COL18A1: variants seen among roughly 807,000 people sequenced by gnomAD.
COL18A1 encodes collagen type XVIII alpha 1 chain.
Under a neutral mutation model 168.0 loss-of-function variants are expected in COL18A1, and 133 were observed. The ratio of observed to expected loss-of-function variants is 0.79; its 90% confidence interval spans 0.69 to 0.91. COL18A1 has a LOEUF of 0.91. COL18A1 is among the 40% of genes least tolerant of loss of function. The pLI, the probability that COL18A1 is intolerant of heterozygous loss-of-function variation, is 0.00. For missense variants in COL18A1, 2,126 were observed against 1,925.4 expected (o/e 1.10, Z -1.95); for synonymous variants, 949 against 809.0 (o/e 1.17, Z -2.94).
At chr21:45,500,024 C>G (rs539331402) in intron 32 of COL18A1, among the ~76,000 whole-genome samples, 29 of 152,206 alleles carry the variant, frequency 1.9e-4, no homozygotes, top group African/African-American at 5.1e-4. Context: ...AGACGCTCCC[C>G]GAACGTGAGG....
rs550462341 is a variant in COL18A1 at position 45,496,978 on chromosome 21, G to A, written c.2578-72G>A. ...CAGGGGCTGGTGCTTCTGGGCTTGG[G>A]GACCCCTGAGTGGTGGTGGCCTCCA... On this transcript the variant is annotated intron_variant, in intron 30 of 41. Coordinates refer to ENST00000651438, the MANE Select transcript of COL18A1 (RefSeq NM_001379500.1). The A allele has an allele frequency of 3.9e-6, 4 of 1,026,810 alleles. No individual in the cohort carries two copies. The African/African-American group carries it at 4.7e-5, about 12-fold the overall frequency. The allele number at this position is 1,026,810 out of a possible 1,614,324, so 63.6% of individuals were successfully genotyped here. A position where few individuals can be genotyped will look rare whatever the true frequency, so the allele number is the denominator to read the frequency against.
At chr21:45,476,214 C>T in intron 5 of COL18A1, 137 bp from the exon 6 acceptor site, 1 of 1,327,350 alleles carries the variant, frequency 7.5e-7, no homozygotes, top group Admixed American at 2.0e-5. Context: ...CGCGCACGGC[C>T]CTGGAGCACC....
chr21:45,451,576 G>A (rs963839241), intron 2 of COL18A1, among the ~76,000 whole-genome samples: 1 of 152,202 alleles, frequency 6.6e-6, no homozygotes, highest in Admixed American at 6.5e-5. Context: ...CGTGGGGTTT[G>A]CTGAGGGAGT....
chr21:45,437,976 T>A (rs868437881), intron 2 of COL18A1, among the ~76,000 whole-genome samples: 64 of 11,898 alleles, frequency 5.4e-3, no homozygotes, highest in African/African-American at 6.4e-3. Context: ...ACACACACAC[T>A]CACACACTCA....
chr21:45,510,004 G>A (rs1383965719), intron 39 of COL18A1, 60 bp from the exon 40 acceptor site: 26 of 1,517,120 alleles, frequency 1.7e-5, no homozygotes, highest in East Asian at 4.9e-5. Context: ...TGGTGCGCCC[G>A]GGGCCTGGGT....
chr21:45,448,648 A>G (rs531947257), intron 2 of COL18A1, among the ~76,000 whole-genome samples: 2 of 152,360 alleles, frequency 1.3e-5, no homozygotes, highest in Admixed American at 6.5e-5. Flanking sequence ...GAACAAGGAC[A>G]TTCTCCCACA....
Position 45,490,451 on chromosome 21 carries a change from T to TCTCCATGTGCCCTCGTGGGTCCCTGGGC in COL18A1, c.2031+110_2031+137dup, listed in dbSNP as rs2036278448. 10 of 729,112 alleles carry TCTCCATGTGCCCTCGTGGGTCCCTGGGC rather than the reference T, an allele frequency of 1.4e-5. 1 individual carries two copies. The highest frequency in any genetic ancestry group is 1.4e-4 in the African/African-American group (5 of 36,966). The allele number at this position is 729,112 out of a possible 1,614,324, so 45.2% of individuals were successfully genotyped here. A position where few individuals can be genotyped will look rare whatever the true frequency, so the allele number is the denominator to read the frequency against. On this transcript the variant is annotated intron_variant, in intron 20 of 41. Transcript: ENST00000651438. ...AGATGTGCCCTCCCGGGTCCCTGGGTCTCCATGTGCCCTCGTGGGTCCCTG... is the reference window on the plus strand; with the variant it reads ...AGATGTGCCCTCCCGGGTCCCTGGGTCTCCATGTGCCCTCGTGGGTCCCTGGGCCTCCATGTGCCCTCGTGGGTCCCTG...
chr21:45,509,293 C>T, intron 38 of COL18A1, 63 bp from the exon 39 acceptor site: 2 of 1,532,574 alleles, frequency 1.3e-6, no homozygotes, highest in East Asian at 2.5e-5. Context: ...GAGGAGGACA[C>T]AGATGGAGGA....
At chr21:45,467,253 T>C in intron 2 of COL18A1, 1 of 985,374 alleles carries the variant, frequency 1.0e-6, no homozygotes, top group Non-Finnish European at 1.2e-6. Context: ...GCGTCCTGGC[T>C]TGGGCTCCCT....
At chr21:45,410,524 C>T (rs1407730003) in intron 2 of COL18A1, among the ~76,000 whole-genome samples, 4 of 152,124 alleles carry the variant, frequency 2.6e-5, no homozygotes, top group South Asian at 2.1e-4. Flanking sequence ...TGATTGGTTA[C>T]GGTGGCGGAA....
chr21:45,465,166 T>C (rs1290138448), intron 2 of COL18A1, among the ~76,000 whole-genome samples: 2 of 152,242 alleles, frequency 1.3e-5, no homozygotes, highest in African/African-American at 4.8e-5. Context: ...GTATAACAGA[T>C]GACCCTGCAG....
At chr21:45,467,006 C>T (rs1045579520) in intron 2 of COL18A1, among the ~76,000 whole-genome samples, 6 of 152,236 alleles carry the variant, frequency 3.9e-5, no homozygotes, top group African/African-American at 1.4e-4. Flanking sequence ...TAACAGCTGC[C>T]ATCTGGGTGG....
At chr21:45,491,069 C>T (rs1027222483) in intron 21 of COL18A1, among the ~76,000 whole-genome samples, 156 bp from the exon 22 acceptor site, 1 of 152,170 alleles carries the variant, frequency 6.6e-6, no homozygotes, top group African/African-American at 2.4e-5. Flanking sequence ...TGGAGCCTGC[C>T]CTGCCTGGCA....
chr21:45,497,652 G>A lies in COL18A1; in HGVS notation c.2674G>A (p.Gly892Arg), dbSNP rs576719084. 5.9e-5 allele frequency: 92 copies of A among 1,567,046 alleles called. No individual in the cohort carries two copies. The highest frequency in any genetic ancestry group is 6.9e-5 in the Non-Finnish European group (80 of 1,156,302). The change falls in exon 32 of 42, where the codon GGA becomes AGA. Residue 892 changes from glycine (G) to arginine (R), a missense_variant. Coordinates refer to ENST00000651438, the MANE Select transcript of COL18A1 (RefSeq NM_001379500.1). ...CGCCAAAGGAGAAGTGGGCCCCCCC[G>A]GACCACCAGGTGAGCAACTCTGGAC... ...KGAKGEVGPP[G>R]PPGQFPFDFL...
intron 7 of COL18A1, 112 bp from the exon 8 acceptor site, chr21:45,477,638 G>C: frequency 7.8e-7 from 1 of 1,281,288 alleles, no homozygotes; most frequent in Non-Finnish European, 1.1e-6. Context: ...CACCCTGCGT[G>C]TCCACTGTGG....
At chr21:45,406,744 G>C (rs756108816) in intron 2 of COL18A1, among the ~76,000 whole-genome samples, 3 of 152,374 alleles carry the variant, frequency 2.0e-5, no homozygotes, top group Admixed American at 6.5e-5. Context: ...AGACGCTGGG[G>C]CCCAAGCCCG....
rs117919516 is a variant in COL18A1 at position 45,429,049 on chromosome 21, C to T, written c.106+23576C>T. 2.2e-3 allele frequency among the ~76,000 whole-genome samples: 332 copies of T among 151,958 alleles called. 1 individual carries two copies. Among genetic ancestry groups the T allele is most frequent in the Admixed American group, 4.2e-3 (64 of 15,276 alleles). ...TCCCGAGTAGCTGGGACTATAGGCG[C>T]GCCACCCCACCCGGCCAATTTTTTT... is the stretch of plus-strand genomic sequence containing the variant. On this transcript the variant is annotated intron_variant, in intron 2 of 41. Coordinates refer to ENST00000651438, the MANE Select transcript of COL18A1 (RefSeq NM_001379500.1).
Position 45,423,482 on chromosome 21 carries a change from C to G in COL18A1, c.106+18009C>G, listed in dbSNP as rs1421157919. Among the ~76,000 whole-genome samples the G allele has an allele frequency of 6.6e-6, 1 of 150,646 alleles. No individual in the cohort carries two copies. Among genetic ancestry groups the G allele is most frequent in the African/African-American group, 2.4e-5 (1 of 41,012 alleles). On this transcript the variant is annotated intron_variant, in intron 2 of 41. Coordinates refer to ENST00000651438, the MANE Select transcript of COL18A1 (RefSeq NM_001379500.1). The surrounding 1 kb of genome is among the most constrained non-coding windows in gnomAD (Gnocchi z 4.0). The stretch of plus-strand genomic sequence containing the variant: ...AAAGCTGTGTCCACACACAGCTGGG[C>G]GCCCGCCCCCCGCCCCCCGCCCCCC...
intron 37 of COL18A1, 124 bp downstream of exon 37, chr21:45,506,090 T>G (rs776766135): frequency 1.5e-5 from 22 of 1,457,150 alleles, no homozygotes; most frequent in Non-Finnish European, 2.0e-5. Context: ...CAGCGCTTCT[T>G]AAACTTTCAA....
Sources: gnomAD v4.1 joint callset for allele counts (sites outside exome capture counted in the v4.1 genomes callset) on GRCh38, gnomAD v4.1.1 for gene constraint, Gnocchi (gnomAD v3.1) non-coding constraint, MANE v1.5 for transcripts, NCBI Gene and HGNC (gene_info 2026-07-23, HGNC 2026-07-21) for gene names.